CDH18: variants seen among roughly 807,000 people sequenced by gnomAD.
The protein encoded by CDH18 is cadherin-18.
A neutral mutation model predicts 67.9 loss-of-function variants in CDH18; 31 were observed. The ratio of observed to expected loss-of-function variants is 0.46; its 90% CI spans 0.34 to 0.62. CDH18 has a LOEUF of 0.62. Ranked by LOEUF, CDH18 falls within the 20% of genes least tolerant of loss-of-function variation. The pLI is 0.01. For synonymous variants in CDH18, 362 were observed against 347.2 expected (o/e 1.04, Z -0.48); for missense variants, 890 against 975.5 (o/e 0.91, Z 1.17).
At chr5:20,532,431 A>T (rs554741966) in intron 1 of CDH18, among the ~76,000 whole-genome samples, 5 of 152,094 alleles carry the variant, frequency 3.3e-5, no homozygotes, top group Non-Finnish European at 7.4e-5. Context: ...TGCCAGAAAT[A>T]TCTTTTTTTG....
At chr5:19,542,962 T>C (rs1750512965) in intron 9 of CDH18, among the ~76,000 whole-genome samples, 1 of 152,158 alleles carries the variant, frequency 6.6e-6, no homozygotes, top group South Asian at 2.1e-4. Flanking sequence ...TTTTAGACCC[T>C]CTGAAAGAAA....
chr5:19,697,640 A>C (rs1762704547), intron 5 of CDH18, among the ~76,000 whole-genome samples: 1 of 152,216 alleles, frequency 6.6e-6, no homozygotes, highest in African/African-American at 2.4e-5. Flanking sequence ...AAAAGGCTCT[A>C]GACTTTCCAT....
At chr5:20,512,752 C>T (rs931183993) in intron 1 of CDH18, among the ~76,000 whole-genome samples, 1 of 151,870 alleles carries the variant, frequency 6.6e-6, no homozygotes, top group Non-Finnish European at 1.5e-5. Context: ...GGTGTGGTGG[C>T]AGGCATCTGT....
intron 5 of CDH18, among the ~76,000 whole-genome samples, chr5:19,665,000 C>T (rs1757716392): frequency 6.6e-6 from 1 of 151,832 alleles, no homozygotes; most frequent in Non-Finnish European, 1.5e-5. Context: ...GACTTCCACA[C>T]ATAGACAGCA....
At chr5:20,491,598 G>A (rs981587) in intron 1 of CDH18, among the ~76,000 whole-genome samples, 140,545 of 152,140 alleles carry the variant, frequency 0.92, 65,345 homozygotes, top group South Asian at 0.98. Context: ...GAAGCAACCA[G>A]TGTTGTAGGA....
chr5:20,049,617 A>C (rs1263125644), intron 2 of CDH18, among the ~76,000 whole-genome samples: 3 of 151,838 alleles, frequency 2.0e-5, no homozygotes, highest in Non-Finnish European at 1.5e-5. Context: ...AATGCATTCC[A>C]TGTTGACCTA....
At chr5:20,409,210 A>G (rs1490074977) in intron 1 of CDH18, among the ~76,000 whole-genome samples, 1 of 151,848 alleles carries the variant, frequency 6.6e-6, no homozygotes, top group Non-Finnish European at 1.5e-5. Flanking sequence ...CCCCAAAGCA[A>G]AAGAACATAA....
intron 1 of CDH18, among the ~76,000 whole-genome samples, chr5:20,347,749 A>G (rs1410078798): frequency 6.6e-6 from 1 of 152,166 alleles, no homozygotes; most frequent in Admixed American, 6.5e-5. Flanking sequence ...CATGGGTAAT[A>G]ACCAAGAGGG....
intron 1 of CDH18, among the ~76,000 whole-genome samples, chr5:20,355,000 T>C (rs190842959): frequency 6.6e-6 from 1 of 152,286 alleles, no homozygotes; most frequent in East Asian, 1.9e-4. Flanking sequence ...GAAATGTTCT[T>C]CCAAAGGGTA....
chr5:20,021,030 C>T (rs1482533585), intron 2 of CDH18, among the ~76,000 whole-genome samples: 5 of 152,000 alleles, frequency 3.3e-5, no homozygotes, highest in South Asian at 2.1e-4. Context: ...CCCCTTATCT[C>T]GGTGTTGCCT....
At position 20,244,257 on chromosome 5, in the gene CDH18, T is replaced by G. The variant is rs143716566; in HGVS notation, c.-518+11187A>C. On this transcript the variant is annotated intron_variant, in intron 2 of 14. Transcript: ENST00000507958. ...CTAACTTAATGTGATAAAGAAGTTT[T>G]CAGAATAAGACTGTCAAAGAAAGCA... Among the ~76,000 whole-genome samples, 4 of 152,226 alleles carry G rather than the reference T, an allele frequency of 2.6e-5. No homozygotes were observed. The East Asian group carries it at 7.7e-4, about 29-fold the overall frequency.
intron 1 of CDH18, among the ~76,000 whole-genome samples, chr5:20,321,275 TC>T (rs1169911369): frequency 6.6e-6 from 1 of 152,036 alleles, no homozygotes; most frequent in Non-Finnish European, 1.5e-5. Context: ...TTCCTAAACT[TC>T]CATCTTCTTC....
chr5:20,166,267 C>G (rs951874357), intron 2 of CDH18, among the ~76,000 whole-genome samples: 1 of 151,490 alleles, frequency 6.6e-6, no homozygotes, highest in Non-Finnish European at 1.5e-5. Flanking sequence ...ATGGTGAAAC[C>G]CTGTCTCTAC....
At chr5:19,608,324 A>G (rs962819243) in intron 6 of CDH18, among the ~76,000 whole-genome samples, 1 of 151,756 alleles carries the variant, frequency 6.6e-6, no homozygotes, top group Non-Finnish European at 1.5e-5. Context: ...CATTTTCAAA[A>G]GACACTAGAA....
At chr5:19,817,382 T>A (rs1040428977) in intron 3 of CDH18, among the ~76,000 whole-genome samples, 6 of 151,954 alleles carry the variant, frequency 3.9e-5, no homozygotes, top group African/African-American at 1.2e-4. Flanking sequence ...CTCCTACAGA[T>A]ATACCAATAT....
intron 2 of CDH18, among the ~76,000 whole-genome samples, chr5:20,189,896 G>T (rs1178149810): frequency 6.6e-6 from 1 of 152,090 alleles, no homozygotes; most frequent in Non-Finnish European, 1.5e-5. Context: ...GGTGGCCTGT[G>T]CAGATCTAAT....
chr5:20,171,825 T>C (rs1218386411), intron 2 of CDH18, among the ~76,000 whole-genome samples: 1 of 151,970 alleles, frequency 6.6e-6, no homozygotes, highest in Non-Finnish European at 1.5e-5. Flanking sequence ...GCTCAGGTTG[T>C]CTTCCAGGGT....
intron 5 of CDH18, among the ~76,000 whole-genome samples, chr5:19,644,010 T>C (rs903154400): frequency 2.0e-5 from 3 of 152,154 alleles, no homozygotes; most frequent in Non-Finnish European, 4.4e-5. Flanking sequence ...AAAACATACA[T>C]AGTGCCTCTC....
upstream of CDH18, among the ~76,000 whole-genome samples, chr5:19,988,593 T>C (rs940713032): frequency 3.0e-4 from 45 of 152,050 alleles, no homozygotes; most frequent in African/African-American, 9.2e-4. Context: ...CCATCAATTC[T>C]CTGCGGGGGA....
Sources: allele counts gnomAD v4.1 joint callset (sites outside exome capture counted in the v4.1 genomes callset), GRCh38; gene constraint gnomAD v4.1.1; transcripts MANE v1.5; gene names NCBI Gene and HGNC (gene_info 2026-07-23, HGNC 2026-07-21).